The following CALN1 variants were observed in gnomAD, a reference collection of about 807,000 sequenced individuals.
The protein encoded by CALN1 is calcium-binding protein 8.
Under a neutral mutation model 30.6 loss-of-function variants are expected in CALN1, and 17 were observed. The observed-to-expected ratio is 0.56, with a 90% confidence interval of 0.38 to 0.83. The LOEUF (loss-of-function observed/expected upper bound fraction) is 0.83. Among genes scored for constraint, CALN1 ranks in the 40% least tolerant of loss-of-function variants. The probability of loss-of-function intolerance (pLI) is 0.00; values close to 1 mark genes in which losing one functional copy is unlikely to be tolerated. For missense variants in CALN1, 291 were observed against 354.9 expected (o/e 0.82, Z 1.45); for synonymous variants, 156 against 131.4 (o/e 1.19, Z -1.28).
chr7:71,871,310 T>C (rs899869401), intron 5 of CALN1, among the ~76,000 whole-genome samples: 3 of 152,168 alleles, frequency 2.0e-5, no homozygotes, highest in Non-Finnish European at 4.4e-5. Context: ...TTTTTCCAAT[T>C]AGCGTGAATT....
intron 4 of CALN1, among the ~76,000 whole-genome samples, chr7:72,071,810 G>A (rs1363890010): frequency 6.6e-6 from 1 of 152,122 alleles, no homozygotes; most frequent in Non-Finnish European, 1.5e-5. Flanking sequence ...CCTACTGGTG[G>A]AATTAATAGA....
In CALN1 at chr7:72,100,668, A is replaced by C. The variant is rs1479679001; in HGVS notation, c.388+5483T>G. On this transcript the variant is annotated intron_variant, in intron 4 of 6. Coordinates refer to ENST00000395275, the MANE Select transcript of CALN1 (RefSeq NM_031468.4). ...CCCATCTCTACTGAAAATACAAAGA[A>C]AACTAGCCGGGCGTGGTGGCGGGTG... is the stretch of plus-strand genomic sequence containing the variant. Among the ~76,000 whole-genome samples the C allele has an allele frequency of 5.3e-5, 8 of 151,736 alleles. No homozygotes were observed. The South Asian group carries it at 1.7e-3, about 32-fold the overall frequency.
chr7:72,310,907 TAA>T (rs5884884), intron 2 of CALN1, among the ~76,000 whole-genome samples: 1,629 of 113,700 alleles, frequency 0.014, 32 homozygotes, highest in African/African-American at 0.038. Context: ...GACTCCGTCT[TAA>T]AAAAAAAAAA....
chr7:72,295,293 CTTA>C (rs1365120353), intron 2 of CALN1, among the ~76,000 whole-genome samples: 2 of 152,072 alleles, frequency 1.3e-5, no homozygotes, highest in Non-Finnish European at 2.9e-5. Context: ...GGAAACAATA[CTTA>C]TTTTTAAAAA....
At chr7:71,833,332 C>T (rs1382501073) in intron 5 of CALN1, among the ~76,000 whole-genome samples, 2 of 152,114 alleles carry the variant, frequency 1.3e-5, no homozygotes, top group African/African-American at 4.8e-5. Context: ...ACTTAGCACA[C>T]GTGAGCCCTA....
Position 72,406,533 on chromosome 7 carries a change from G to T in CALN1, c.-73-3091C>A, listed in dbSNP as rs1345505875. Among the ~76,000 whole-genome samples the T allele has an allele frequency of 5.9e-5, 9 of 152,028 alleles. No individual in the cohort carries two copies. In the South Asian group the frequency reaches 1.7e-3, roughly 28 times the overall value. On this transcript the variant is annotated intron_variant, in intron 1 of 6. Coordinates refer to ENST00000395275, the MANE Select transcript of CALN1 (RefSeq NM_031468.4). ...ACAATCGTCATCTGAAAGGTCAGCC[G>T]GAAGGAGCTGGATTTTTGAGCCCCA...
intron 1 of CALN1, among the ~76,000 whole-genome samples, chr7:72,432,449 G>A (rs1484163875): frequency 6.6e-6 from 1 of 152,104 alleles, no homozygotes; most frequent in African/African-American, 2.4e-5. Flanking sequence ...AGAAATAGCT[G>A]TGCGTCTCCT....
At chr7:72,393,967 C>T (rs1209075639) in intron 2 of CALN1, among the ~76,000 whole-genome samples, 1 of 152,120 alleles carries the variant, frequency 6.6e-6, no homozygotes, top group Non-Finnish European at 1.5e-5. Context: ...CAAGTTGTGG[C>T]ATGTTTTATT....
chr7:72,147,755 A>G (rs1183457697), intron 3 of CALN1, among the ~76,000 whole-genome samples: 2 of 152,094 alleles, frequency 1.3e-5, no homozygotes, highest in African/African-American at 2.4e-5. Context: ...ACACCATGGA[A>G]TACTATGCAG....
intron 3 of CALN1, among the ~76,000 whole-genome samples, chr7:72,133,375 A>G (rs998193681): frequency 3.3e-5 from 5 of 152,258 alleles, no homozygotes; most frequent in African/African-American, 9.6e-5. Context: ...AATCTGTTGA[A>G]TAAAATAGGA....
At chr7:72,056,968 TCTCA>T (rs1162580847) in intron 4 of CALN1, among the ~76,000 whole-genome samples, 1 of 152,138 alleles carries the variant, frequency 6.6e-6, no homozygotes, top group African/African-American at 2.4e-5. Context: ...AAAAACAAGG[TCTCA>T]CTCTGTTGCT....
chr7:71,968,312 C>A (rs920468347), intron 5 of CALN1, among the ~76,000 whole-genome samples: 2 of 152,190 alleles, frequency 1.3e-5, no homozygotes, highest in Non-Finnish European at 2.9e-5. Flanking sequence ...CATTCTATTT[C>A]TGTGGCATTT....
intron 5 of CALN1, among the ~76,000 whole-genome samples, chr7:72,010,119 A>AT (rs1799988967): frequency 6.6e-6 from 1 of 152,208 alleles, no homozygotes; most frequent in Admixed American, 6.5e-5. Flanking sequence ...GGAAAAATCC[A>AT]TGACTGCTGT....
intron 5 of CALN1, among the ~76,000 whole-genome samples, chr7:71,994,643 C>G (rs1562963078): frequency 6.6e-6 from 1 of 151,418 alleles, no homozygotes; most frequent in Non-Finnish European, 1.5e-5. Context: ...AGGTTAAGAG[C>G]AAAAGTTTAA....
chr7:72,090,959 A>C (rs555998027), intron 4 of CALN1, among the ~76,000 whole-genome samples: 1 of 152,270 alleles, frequency 6.6e-6, no homozygotes, highest in Non-Finnish European at 1.5e-5. Flanking sequence ...GAGATGGCTA[A>C]TGGGTATAAA....
intron 3 of CALN1, among the ~76,000 whole-genome samples, chr7:72,160,379 A>G (rs533007090): frequency 6.6e-6 from 1 of 152,096 alleles, no homozygotes; most frequent in East Asian, 1.9e-4. Context: ...CCCAGGTTCA[A>G]GCGATGCCCC....
In CALN1 at chr7:72,341,019, TCAGCAATGTG is replaced by T. The variant is rs1354717110; in HGVS notation, c.120-62219_120-62210del. Among the ~76,000 whole-genome samples, 123 of 152,310 alleles carry T rather than the reference TCAGCAATGTG, an allele frequency of 8.1e-4. 1 individual carries two copies. Among genetic ancestry groups the T allele is most frequent in the Non-Finnish European group, 7.6e-4 (52 of 68,032 alleles). ...TTACCCAGTCTCAGCTATGTCTTTA[TCAGCAATGTG>T]AAAACGAATTCATACAGAAGGTATT... On this transcript the variant is annotated intron_variant, in intron 2 of 6. Transcript: ENST00000395275.
intron 6 of CALN1, among the ~76,000 whole-genome samples, chr7:71,788,319 T>A (rs1793094557): frequency 6.6e-6 from 1 of 152,116 alleles, no homozygotes. Flanking sequence ...TTCAGATGCT[T>A]CCCTACACCT....
intron 2 of CALN1, among the ~76,000 whole-genome samples, chr7:72,305,181 T>C (rs1026478596): frequency 2.6e-5 from 4 of 152,204 alleles, no homozygotes; most frequent in African/African-American, 9.7e-5. Context: ...TGATTGGGAC[T>C]GGCCCCCAGA....
Sources: allele counts gnomAD v4.1 joint callset (sites outside exome capture counted in the v4.1 genomes callset), GRCh38; gene constraint gnomAD v4.1.1; transcripts MANE v1.5; gene names NCBI Gene and HGNC (gene_info 2026-07-23, HGNC 2026-07-21).